The following LIN28B variants were observed in gnomAD, a reference collection of about 807,000 sequenced individuals.
LIN28B encodes lin-28 RNA binding posttranscriptional regulator B.
A neutral mutation model predicts 21.9 loss-of-function variants in LIN28B; 5 were observed. That is an observed-to-expected ratio of 0.23 (90% CI 0.12 to 0.48). The LOEUF (loss-of-function observed/expected upper bound fraction) is 0.48, where lower values mean the gene tolerates loss of function less well. Among genes scored for constraint, LIN28B ranks in the 20% least tolerant of loss-of-function variants. LIN28B has a pLI of 0.98. For synonymous variants in LIN28B, 109 were observed against 111.3 expected (o/e 0.98, Z 0.13); for missense variants, 245 against 310.5 (o/e 0.79, Z 1.58).
At chr6:104,991,213 G>A (rs1189684685) in intron 2 of LIN28B, among the ~76,000 whole-genome samples, 1 of 151,470 alleles carries the variant, frequency 6.6e-6, no homozygotes, top group Non-Finnish European at 1.5e-5. Flanking sequence ...TCCCAGACGG[G>A]GTGGCTGGCC....
intron 2 of LIN28B, among the ~76,000 whole-genome samples, chr6:104,984,459 C>CTT (rs976627110): frequency 6.9e-6 from 1 of 145,442 alleles, no homozygotes; most frequent in Non-Finnish European, 1.5e-5. Context: ...TTTCTTTTTT[C>CTT]TTTTTTTTTT....
At chr6:104,994,754 T>G (rs1770564935) in intron 2 of LIN28B, among the ~76,000 whole-genome samples, 1 of 152,184 alleles carries the variant, frequency 6.6e-6, no homozygotes, top group Non-Finnish European at 1.5e-5. Context: ...GGGCAAAGGA[T>G]GAGAGGACGG....
At position 105,006,342 on chromosome 6, in the gene LIN28B, C is replaced by T. The variant is rs148411764; in HGVS notation, c.199-19956C>T. On this transcript the variant is annotated intron_variant, in intron 2 of 3. Coordinates refer to ENST00000345080, the MANE Select transcript of LIN28B (RefSeq NM_001004317.4). ...TTTGTTTTGTTTTGAGACAGAGTCT[C>T]GCTTTGTTGCCCAGGCTGGAGTATT... Among the ~76,000 whole-genome samples the T allele has an allele frequency of 6.7e-3, 1,016 of 152,234 alleles. 7 individuals are homozygous for T. The highest frequency in any genetic ancestry group is 0.023 in the African/African-American group (937 of 41,548).
intron 3 of LIN28B, among the ~76,000 whole-genome samples, chr6:105,040,415 TCTC>T (rs141406288): frequency 0.017 from 2,515 of 152,146 alleles, 62 homozygotes; most frequent in African/African-American, 0.058. Context: ...TAAGTAGTAG[TCTC>T]CTCTCAAGTG....
chr6:105,029,458 A>G (rs114445150), intron 3 of LIN28B, among the ~76,000 whole-genome samples: 2 of 152,160 alleles, frequency 1.3e-5, no homozygotes, highest in African/African-American at 4.8e-5. Flanking sequence ...GGCGTAGCTT[A>G]TGGGCACAGA....
upstream of LIN28B, among the ~76,000 whole-genome samples, chr6:104,955,094 T>C (rs545759170): frequency 6.6e-6 from 1 of 152,332 alleles, no homozygotes; most frequent in African/African-American, 2.4e-5. Context: ...AAAGTGATTA[T>C]TAAAATATGA....
chr6:105,022,019 T>A (rs924669811), intron 2 of LIN28B, among the ~76,000 whole-genome samples: 2 of 152,008 alleles, frequency 1.3e-5, no homozygotes, highest in African/African-American at 4.8e-5. Context: ...GGAAATGAAG[T>A]GGAAAATGTA....
In LIN28B at chr6:105,050,559, G is replaced by A. The variant is rs1213073964; in HGVS notation, c.383+24077G>A. Among the ~76,000 whole-genome samples, 12 of 125,856 alleles carry A rather than the reference G, an allele frequency of 9.5e-5. No homozygotes were observed. The East Asian group carries it at 1.6e-3, about 16-fold the overall frequency. 82.6% of individuals were successfully genotyped at this position (125,856 alleles called of 152,430 possible). A position where few individuals can be genotyped will look rare whatever the true frequency, so the allele number is the denominator to read the frequency against. ...GGAGCTTGCAGTGAGCTGAGATTGC[G>A]CCACTGCAGTCCGCAGTCCAGCCTG... On this transcript the variant is annotated intron_variant, in intron 3 of 3. Transcript: ENST00000345080.
chr6:105,012,051 G>C lies in LIN28B; in HGVS notation c.199-14247G>C, dbSNP rs1016625428. 6.6e-5 allele frequency among the ~76,000 whole-genome samples: 10 copies of C among 151,374 alleles called. 1 individual carries two copies. Among genetic ancestry groups the C allele is most frequent in the Admixed American group, 5.9e-4 (9 of 15,200 alleles). ...CAGGCACCTGTAATCCCAGCTACTC[G>C]GGAGGCTGAGGCAGGAGAATTGCTT... On this transcript the variant is annotated intron_variant, in intron 2 of 3. Coordinates refer to ENST00000345080, the MANE Select transcript of LIN28B (RefSeq NM_001004317.4).
At chr6:105,059,213 A>G (rs951037276) in intron 3 of LIN28B, among the ~76,000 whole-genome samples, 3 of 97,572 alleles carry the variant, frequency 3.1e-5, no homozygotes, top group Non-Finnish European at 7.2e-5. Context: ...GTGTATATAT[A>G]TATGTATTTT....
intron 2 of LIN28B, among the ~76,000 whole-genome samples, chr6:104,949,491 C>T (rs987700249): frequency 2.0e-5 from 3 of 152,162 alleles, no homozygotes; most frequent in Admixed American, 2.0e-4. Flanking sequence ...GAACCCTGCA[C>T]TTGGAAAAGT....
At position 104,939,298 on chromosome 6, in the gene LIN28B, G is replaced by A. The variant is rs574225717; in HGVS notation, c.18+2182G>A. On this transcript the variant is annotated intron_variant, in intron 2 of 5. Coordinates refer to the LIN28B transcript ENST00000635857. ...CTGAAAGAATCCTCTGTACTACTTC[G>A]CAAAGTAATGTAAGAAATACTTTAC... 10 of 152,246 alleles carry A rather than the reference G, an allele frequency of 6.6e-5. No individual in the cohort carries two copies. In the South Asian group the frequency reaches 1.0e-3, roughly 16 times the overall value. The allele number at this position is 152,246 out of a possible 1,614,324, so 9.4% of individuals were successfully genotyped here.
At chr6:104,945,783 C>T (rs1778149028) in intron 2 of LIN28B, among the ~76,000 whole-genome samples, 1 of 152,070 alleles carries the variant, frequency 6.6e-6, no homozygotes, top group Non-Finnish European at 1.5e-5. Context: ...TTATAGCTTA[C>T]ATTTAAGCTA....
intron 2 of LIN28B, among the ~76,000 whole-genome samples, chr6:104,979,128 T>G (rs1770165692): frequency 6.6e-6 from 1 of 152,262 alleles, no homozygotes; most frequent in Admixed American, 6.5e-5. Context: ...TATTGTATTG[T>G]TCTGATTATA....
upstream of LIN28B, among the ~76,000 whole-genome samples, chr6:104,955,015 G>A (rs1347617479): frequency 6.6e-6 from 1 of 152,124 alleles, no homozygotes; most frequent in Non-Finnish European, 1.5e-5. Flanking sequence ...GTAAGTAATA[G>A]CATTTCACCT....
At chr6:105,060,511 G>A (rs921117132) in intron 3 of LIN28B, among the ~76,000 whole-genome samples, 2 of 152,112 alleles carry the variant, frequency 1.3e-5, no homozygotes, top group Non-Finnish European at 2.9e-5. Flanking sequence ...GTGACTGAGT[G>A]GTATGAGCAG....
At position 105,081,950 on chromosome 6, in the gene LIN28B, A is replaced by C. The variant is rs867208659; in HGVS notation, c.*3167A>C. ...TATTGAGGGAAAAGGGTCTGTGTGA[A>C]GCATCACTTTGCAGGGATTACTAAT... On this transcript the variant is annotated 3_prime_UTR_variant, in exon 4 of 4. Transcript: ENST00000345080. 1 of 152,752 alleles carries C rather than the reference A, an allele frequency of 6.5e-6. No individual in the cohort carries two copies. Among genetic ancestry groups the C allele is most frequent in the South Asian group, 2.1e-4 (1 of 4,826 alleles). 9.5% of individuals were successfully genotyped at this position (152,752 alleles called of 1,614,324 possible).
intron 2 of LIN28B, among the ~76,000 whole-genome samples, chr6:104,938,778 T>C (rs1053235487): frequency 2.0e-5 from 3 of 152,214 alleles, no homozygotes; most frequent in African/African-American, 7.2e-5. Flanking sequence ...TCAATGTTCA[T>C]CATCGCCCCT....
At chr6:105,037,100 C>A (rs2114359019) in intron 3 of LIN28B, among the ~76,000 whole-genome samples, 1 of 152,242 alleles carries the variant, frequency 6.6e-6, no homozygotes, top group Non-Finnish European at 1.5e-5. Context: ...ACTATGACAT[C>A]CAATCTGTTC....
Sources: allele counts gnomAD v4.1 joint callset (sites outside exome capture counted in the v4.1 genomes callset), GRCh38; gene constraint gnomAD v4.1.1; transcripts MANE v1.5; gene names NCBI Gene and HGNC (gene_info 2026-07-23, HGNC 2026-07-21).